The following CREB1 variants were observed in gnomAD, a reference collection of about 807,000 sequenced individuals.
CREB1 encodes cyclic AMP-responsive element-binding protein 1.
CREB1 carries 2 observed loss-of-function variants against 42.0 expected under a neutral mutation model. The observed-to-expected ratio is 0.05, with a 90% confidence interval of 0.02 to 0.15. The LOEUF (loss-of-function observed/expected upper bound fraction) is 0.15. CREB1 is among the 10% of genes least tolerant of loss of function. The pLI is 1.00. For synonymous variants in CREB1, 123 were observed against 139.9 expected, an observed-to-expected ratio of 0.88 and a Z score of 0.85; for missense variants, 199 against 388.9, an observed-to-expected ratio of 0.51 and a Z score of 4.11.
At chr2:207,530,619 G>A (rs1466882706) in intron 1 of CREB1, among the ~76,000 whole-genome samples, 2 of 149,202 alleles carry the variant, frequency 1.3e-5, no homozygotes, top group East Asian at 3.9e-4. Context: ...GCCCGACCCG[G>A]CCGGGCCTCC....
chr2:207,596,641 C>G (rs2086226864), intron 7 of CREB1, among the ~76,000 whole-genome samples: 1 of 152,186 alleles, frequency 6.6e-6, no homozygotes, highest in South Asian at 2.1e-4. Context: ...TCATGTTGGC[C>G]AGGCTGATCT....
intron 1 of CREB1, among the ~76,000 whole-genome samples, chr2:207,542,908 G>A (rs2081152258): frequency 6.6e-6 from 1 of 152,156 alleles, no homozygotes; most frequent in African/African-American, 2.4e-5. Context: ...AGTGACAGAT[G>A]AAAGAAGCAA....
At chr2:207,584,434 T>G (rs548094472) in intron 7 of CREB1, among the ~76,000 whole-genome samples, 1 of 152,262 alleles carries the variant, frequency 6.6e-6, no homozygotes, top group Admixed American at 6.5e-5. Context: ...AGTCTCCCTC[T>G]GTCATGTCAC....
chr2:207,580,245 T>G (rs2082810215), intron 7 of CREB1, among the ~76,000 whole-genome samples: 1 of 152,166 alleles, frequency 6.6e-6, no homozygotes, highest in Non-Finnish European at 1.5e-5. Context: ...CCAAAACCTG[T>G]AAACATGCTA....
chr2:207,573,141 C>T (rs574162189), intron 5 of CREB1, among the ~76,000 whole-genome samples: 25 of 152,246 alleles, frequency 1.6e-4, no homozygotes, highest in African/African-American at 6.0e-4. Context: ...GTATTCTTTT[C>T]TTAGTCTAGA....
At chr2:207,549,902 G>A (rs1254765560) in intron 1 of CREB1, among the ~76,000 whole-genome samples, 3 of 151,870 alleles carry the variant, frequency 2.0e-5, no homozygotes, top group Non-Finnish European at 2.9e-5. Flanking sequence ...CCCAAGGGGC[G>A]GGGGTTGCAG....
Position 207,597,190 on chromosome 2 carries a change from C to T in CREB1, c.*132C>T. ...GCGCAAAACTGCCTGAAAGCAACTA[C>T]AGAATTTCATTCATTTGTGCTTTTG... On this transcript the variant is annotated 3_prime_UTR_variant, in exon 8 of 8. Transcript: ENST00000353267. 2 of 943,898 alleles carry T rather than the reference C, an allele frequency of 2.1e-6. No homozygotes were observed. The highest frequency in any genetic ancestry group is 3.0e-6 in the Non-Finnish European group (2 of 666,474). The allele number at this position is 943,898 out of a possible 1,614,324, so 58.5% of individuals were successfully genotyped here.
chr2:207,571,045 G>T (rs2082339909), intron 5 of CREB1, among the ~76,000 whole-genome samples: 1 of 12,206 alleles, frequency 8.2e-5, no homozygotes, highest in Admixed American at 2.0e-3. Flanking sequence ...GCCTCTCAAA[G>T]TGCTTTATTC....
At chr2:207,561,277 A>C (rs1005960188) in intron 3 of CREB1, 1 of 854,328 alleles carries the variant, frequency 1.2e-6, no homozygotes, top group African/African-American at 1.7e-5. Context: ...CTTGAACAAA[A>C]ACCTCAGAGA....
chr2:207,533,300 T>C (rs540478851), intron 1 of CREB1, among the ~76,000 whole-genome samples: 2 of 152,278 alleles, frequency 1.3e-5, no homozygotes, highest in East Asian at 3.9e-4. Flanking sequence ...CTGAAACTCA[T>C]ATTCTTGATT....
At chr2:207,571,857 A>G in intron 5 of CREB1, 1 of 381,366 alleles carries the variant, frequency 2.6e-6, no homozygotes, top group South Asian at 1.9e-5. Flanking sequence ...GGGGAAATGA[A>G]GGTTAGAAAA....
chr2:207,572,225 C>CA (rs35000643), intron 5 of CREB1, among the ~76,000 whole-genome samples: 46,146 of 98,664 alleles, frequency 0.47, 9,780 homozygotes, highest in East Asian at 0.67. Flanking sequence ...GATTCCGTCT[C>CA]AAAAAAAAAA....
At chr2:207,567,319 A>T in intron 3 of CREB1, 144 bp from the exon 4 acceptor site, 1 of 512,134 alleles carries the variant, frequency 2.0e-6, no homozygotes, top group Non-Finnish European at 3.5e-6. Context: ...GGGGAAAGTG[A>T]TTGGTGTGGT....
intron 6 of CREB1, among the ~76,000 whole-genome samples, chr2:207,575,937 C>CA (rs1323540563): frequency 2.9e-5 from 1 of 34,416 alleles, no homozygotes; most frequent in Non-Finnish European, 6.9e-5. Flanking sequence ...CTCTGCTTCC[C>CA]CCCCCCCCCC....
chr2:207,587,560 A>G (rs1386571427), intron 7 of CREB1, among the ~76,000 whole-genome samples: 1 of 152,182 alleles, frequency 6.6e-6, no homozygotes, highest in Non-Finnish European at 1.5e-5. Flanking sequence ...CAACATATGA[A>G]TGGATAAAGA....
intron 3 of CREB1, among the ~76,000 whole-genome samples, chr2:207,564,285 A>T (rs1447688849): frequency 5.9e-5 from 9 of 152,088 alleles, no homozygotes; most frequent in Non-Finnish European, 1.3e-4. Flanking sequence ...AGGCAGGAGG[A>T]TTGCTTAAAG....
chr2:207,578,949 C>T (rs1039564326), intron 7 of CREB1, among the ~76,000 whole-genome samples: 34 of 152,074 alleles, frequency 2.2e-4, no homozygotes, highest in African/African-American at 7.7e-4. Context: ...CACCACCACG[C>T]CTGGCTAATT....
chr2:207,537,499 G>A (rs1347053106), intron 1 of CREB1, among the ~76,000 whole-genome samples: 1 of 152,204 alleles, frequency 6.6e-6, no homozygotes, highest in Non-Finnish European at 1.5e-5. Context: ...TCTTGGGGTG[G>A]AGGCAAAGAT....
In CREB1 at chr2:207,582,906, CAAACAA is replaced by C. The variant is rs377168127; in HGVS notation, c.839+5255_839+5260del. On this transcript the variant is annotated intron_variant, in intron 7 of 7. Transcript: ENST00000353267. ...ACTCTGTCTCAAAAAAACAAACAAA[CAAACAA>C]AAAAAAATATATATATATACATACA... 226 of 282,878 alleles carry C rather than the reference CAAACAA, an allele frequency of 8.0e-4. 3 individuals carry two copies. The highest frequency in any genetic ancestry group is 5.7e-3 in the South Asian group (183 of 31,974). The allele number at this position is 282,878 out of a possible 1,614,324, so 17.5% of individuals were successfully genotyped here. A position where few individuals can be genotyped will look rare whatever the true frequency, so the allele number is the denominator to read the frequency against.
Sources: gnomAD v4.1 joint callset for allele counts (sites outside exome capture counted in the v4.1 genomes callset) on GRCh38, gnomAD v4.1.1 for gene constraint, MANE v1.5 for transcripts, NCBI Gene and HGNC (gene_info 2026-07-23, HGNC 2026-07-21) for gene names.